TRABD2B: variants seen among roughly 807,000 people sequenced by gnomAD.
TRABD2B encodes TraB domain containing 2B, also known as metalloprotease TIKI2.
A neutral mutation model predicts 40.1 loss-of-function variants in TRABD2B; 14 were observed. The ratio of observed to expected loss-of-function variants is 0.35; its 90% CI spans 0.23 to 0.55. TRABD2B has a LOEUF of 0.55. TRABD2B is among the 20% of genes least tolerant of loss of function. TRABD2B has a pLI of 0.90. For synonymous variants in TRABD2B, 263 were observed against 277.0 expected, an observed-to-expected ratio of 0.95 and a Z score of 0.50; for missense variants, 541 against 648.6, an observed-to-expected ratio of 0.83 and a Z score of 1.80.
In TRABD2B at chr1:47,807,642, G is replaced by GTC. The variant is rs1476649859; in HGVS notation, c.667-6024_667-6023insGA. ...TTCATATTTGTGTGTGTGTGTGTCT[G>GTC]TGTGTGTGTTTCTATCTCAAATATC... is the stretch of plus-strand genomic sequence containing the variant. On this transcript the variant is annotated intron_variant, in intron 2 of 6. Coordinates refer to ENST00000606738, the MANE Select transcript of TRABD2B (RefSeq NM_001194986.2). 2.2e-5 allele frequency among the ~76,000 whole-genome samples: 3 copies of GTC among 134,656 alleles called. No homozygotes were observed. In the East Asian group the frequency reaches 8.4e-4, roughly 38 times the overall value. The allele number at this position is 134,656 out of a possible 152,430, so 88.3% of individuals were successfully genotyped here. A position where few individuals can be genotyped will look rare whatever the true frequency, so the allele number is the denominator to read the frequency against.
At chr1:47,873,569 C>T (rs905994216) in intron 2 of TRABD2B, among the ~76,000 whole-genome samples, 2 of 152,190 alleles carry the variant, frequency 1.3e-5, no homozygotes, top group Non-Finnish European at 1.5e-5. Flanking sequence ...ACGAGGGAAG[C>T]AGGGTGTTGG....
At chr1:47,934,572 T>A (rs1645082042) in intron 2 of TRABD2B, among the ~76,000 whole-genome samples, 1 of 152,230 alleles carries the variant, frequency 6.6e-6, no homozygotes, top group East Asian at 1.9e-4. Context: ...GGAGTTCTCT[T>A]GGTGCTGTTG....
At chr1:47,928,420 C>T (rs542641757) in intron 2 of TRABD2B, among the ~76,000 whole-genome samples, 2 of 152,324 alleles carry the variant, frequency 1.3e-5, no homozygotes, top group African/African-American at 4.8e-5. Flanking sequence ...GCATCAGATG[C>T]CTTGCACTGC....
Position 47,944,627 on chromosome 1 carries a change from C to T in TRABD2B, c.666+49407G>A, listed in dbSNP as rs1333689081. The stretch of plus-strand genomic sequence containing the variant: ...CCCCTCTACACATTTCTCAGCCTGC[C>T]CAACAAGAAGCTCCGGTGCAAAAAT... On this transcript the variant is annotated intron_variant, in intron 2 of 6. Transcript: ENST00000606738. Among the ~76,000 whole-genome samples, 10 of 152,204 alleles carry T rather than the reference C, an allele frequency of 6.6e-5. No individual in the cohort carries two copies. In the South Asian group the frequency reaches 2.1e-3, roughly 32 times the overall value.
intron 2 of TRABD2B, among the ~76,000 whole-genome samples, chr1:47,832,177 A>T (rs1201832565): frequency 6.6e-6 from 1 of 152,158 alleles, no homozygotes; most frequent in African/African-American, 2.4e-5. Context: ...CTAAAAAAAT[A>T]CAAAAATTGG....
intron 4 of TRABD2B, among the ~76,000 whole-genome samples, chr1:47,784,680 G>A (rs1270736490): frequency 7.9e-5 from 12 of 152,236 alleles, no homozygotes; most frequent in African/African-American, 2.9e-4. Context: ...GAGGAAGTAT[G>A]ACAGGAGGGC....
At chr1:47,786,100 G>A (rs916636250) in intron 4 of TRABD2B, among the ~76,000 whole-genome samples, 2 of 152,218 alleles carry the variant, frequency 1.3e-5, no homozygotes, top group Admixed American at 6.5e-5. Context: ...GACTGTGCAA[G>A]GCCAGGCCCT....
intron 2 of TRABD2B, among the ~76,000 whole-genome samples, chr1:47,864,410 T>G (rs4641337): frequency 0.75 from 113,600 of 151,886 alleles, 42,862 homozygotes; most frequent in East Asian, 0.98. Context: ...TGGGCAGCGG[T>G]TGTATGAGAA....
At chr1:47,829,312 A>G (rs971923837) in intron 2 of TRABD2B, among the ~76,000 whole-genome samples, 1 of 151,800 alleles carries the variant, frequency 6.6e-6, no homozygotes, top group East Asian at 1.9e-4. Flanking sequence ...ACTTACCCCC[A>G]CTCCCCTGGG....
chr1:47,781,867 T>C (rs1417263530), intron 4 of TRABD2B, among the ~76,000 whole-genome samples: 4 of 152,194 alleles, frequency 2.6e-5, no homozygotes, highest in African/African-American at 7.2e-5. Flanking sequence ...CACAGCTGGG[T>C]TGGCAACACT....
chr1:47,837,753 T>C (rs1441322855), intron 2 of TRABD2B, among the ~76,000 whole-genome samples: 1 of 152,064 alleles, frequency 6.6e-6, no homozygotes, highest in Non-Finnish European at 1.5e-5. Flanking sequence ...TGCACAGCGG[T>C]GCAAATAAGC....
intron 2 of TRABD2B, among the ~76,000 whole-genome samples, chr1:47,952,364 G>T (rs1255459651): frequency 6.6e-6 from 1 of 152,090 alleles, no homozygotes; most frequent in South Asian, 2.1e-4. Context: ...AGCCTCTGCT[G>T]CCCATTCTGA....
chr1:47,974,519 T>C (rs1261335940), intron 2 of TRABD2B, among the ~76,000 whole-genome samples: 1 of 152,190 alleles, frequency 6.6e-6, no homozygotes, highest in South Asian at 2.1e-4. Context: ...TATACCCTTA[T>C]CATGACCTAA....
rs116343801 is a variant in TRABD2B, at chr1:47,893,628, G to A, written c.667-92009C>T. On this transcript the variant is annotated intron_variant, in intron 2 of 6. Transcript: ENST00000606738. The stretch of plus-strand genomic sequence containing the variant: ...TGACACTTGGCTATGAGCTTTTAGA[G>A]GGGAGCCCTTGTGTTTGATTTGACA... Among the ~76,000 whole-genome samples, 1,263 of 152,316 alleles carry A rather than the reference G, an allele frequency of 8.3e-3. 12 individuals carry two copies. The highest frequency in any genetic ancestry group is 0.034 in the Middle Eastern group (10 of 294).
In TRABD2B at chr1:47,794,602, G is replaced by A. The variant is rs1313224625; in HGVS notation, c.972C>T (p.Phe324=). The A allele has an allele frequency of 2.6e-6, 4 of 1,531,642 alleles. No homozygotes were observed. The highest frequency in any genetic ancestry group is 2.5e-5 in the East Asian group (1 of 40,758). 94.9% of individuals were successfully genotyped at this position (1,531,642 alleles called of 1,614,324 possible). Residue 324 remains phenylalanine, a synonymous_variant, in exon 4 of 7, where the codon TTC becomes TTT. Transcript: ENST00000606738. The part of the protein sequence containing the change: ...LLRENEDKIC[F]FAFGAGHFLG... ...GGCCCAAACCTGCTCCGAAGGCAAA[G>A]AAGCAGATCTTGTCCTCGTTCTCCC... is the stretch of plus-strand genomic sequence containing the variant.
In TRABD2B at chr1:47,831,293, C is replaced by T. The variant is rs562164477; in HGVS notation, c.667-29674G>A. On this transcript the variant is annotated intron_variant, in intron 2 of 6. Transcript: ENST00000606738. ...TTATTAATAGGTCCTACTGAGGCCT[C>T]GGGAAAAATGCAAGACTGCATGGAG... Among the ~76,000 whole-genome samples, 8 of 152,154 alleles carry T rather than the reference C, an allele frequency of 5.3e-5. No individual in the cohort carries two copies. In the East Asian group the frequency reaches 1.2e-3, roughly 22 times the overall value.
At chr1:47,800,610 G>A (rs1395999785) in intron 3 of TRABD2B, among the ~76,000 whole-genome samples, 1 of 152,200 alleles carries the variant, frequency 6.6e-6, no homozygotes, top group African/African-American at 2.4e-5. Context: ...CCTGAGCAGG[G>A]AAGTGGTGTG....
At chr1:47,910,218 G>T (rs1467363161) in intron 2 of TRABD2B, among the ~76,000 whole-genome samples, 1 of 152,052 alleles carries the variant, frequency 6.6e-6, no homozygotes, top group East Asian at 1.9e-4. Flanking sequence ...TATCAGGAAG[G>T]TATTCTTACT....
Position 47,787,041 on chromosome 1 carries a change from G to A in TRABD2B, c.988+7545C>T, listed in dbSNP as rs111285821. ...TCCAAGGTGAAAAAGGCCCTATATG[G>A]ACGATGGCCGCTCTTCTGTGCCCAG... On this transcript the variant is annotated intron_variant, in intron 4 of 6. Transcript: ENST00000606738. Among the ~76,000 whole-genome samples the A allele has an allele frequency of 9.9e-5, 15 of 152,234 alleles. 3 individuals are homozygous for A. Among genetic ancestry groups the A allele is most frequent in the African/African-American group, 3.6e-4 (15 of 41,536 alleles).
Sources: allele counts gnomAD v4.1 joint callset (sites outside exome capture counted in the v4.1 genomes callset), GRCh38; gene constraint gnomAD v4.1.1; transcripts MANE v1.5; gene names NCBI Gene and HGNC (gene_info 2026-07-23, HGNC 2026-07-21).